EFTUD2: variants seen among roughly 807,000 people sequenced by gnomAD.
EFTUD2 encodes the protein 116 kDa U5 small nuclear ribonucleoprotein component.
In EFTUD2, 9 loss-of-function variants were observed where a neutral mutation model predicts 114.3. That is an observed-to-expected ratio of 0.08 (90% CI 0.05 to 0.14). The LOEUF (loss-of-function observed/expected upper bound fraction) is 0.14, where lower values mean the gene tolerates loss of function less well. Ranked by LOEUF, EFTUD2 falls within the 10% of genes least tolerant of loss-of-function variation. The pLI, the probability that EFTUD2 is intolerant of heterozygous loss-of-function variation, is 1.00. For synonymous variants in EFTUD2, 449 were observed against 462.3 expected, an observed-to-expected ratio of 0.97 and a Z score of 0.37; for missense variants, 765 against 1,241.2, an observed-to-expected ratio of 0.62 and a Z score of 5.76.
At chr17:44,885,191 T>C (rs2051144785) in intron 4 of EFTUD2, 65 bp downstream of exon 4, 2 of 1,370,434 alleles carry the variant, frequency 1.5e-6, no homozygotes, top group Admixed American at 3.5e-5. Flanking sequence ...AAGCCACCTC[T>C]TATCTCTACA....
At position 44,850,477 on chromosome 17, in the gene EFTUD2, T is replaced by G; in HGVS notation, c.*797A>C. 1 of 1,031,814 alleles carries G rather than the reference T, an allele frequency of 9.7e-7. No homozygotes were observed. Among genetic ancestry groups the G allele is most frequent in the Non-Finnish European group, 1.5e-6 (1 of 669,722 alleles). The allele number at this position is 1,031,814 out of a possible 1,614,324, so 63.9% of individuals were successfully genotyped here. A position where few individuals can be genotyped will look rare whatever the true frequency, so the allele number is the denominator to read the frequency against. On this transcript the variant is annotated 3_prime_UTR_variant, in exon 28 of 28. Coordinates refer to ENST00000426333, the MANE Select transcript of EFTUD2 (RefSeq NM_004247.4). ...CCTAATAAAGCAGTTTTGAGGAAAA[T>G]CAACAGACTCTTTTTCACTGGGGGA...
At chr17:44,860,129 T>C in intron 17 of EFTUD2, 84 bp from the exon 18 acceptor site, 1 of 1,590,076 alleles carries the variant, frequency 6.3e-7, no homozygotes, top group Non-Finnish European at 8.6e-7. Context: ...GAAGAGGACT[T>C]GCTTAGGATC....
chr17:44,878,733 G>C (rs904940215), intron 9 of EFTUD2, among the ~76,000 whole-genome samples: 1 of 152,064 alleles, frequency 6.6e-6, no homozygotes, highest in Non-Finnish European at 1.5e-5. Flanking sequence ...AATGAGGGTG[G>C]GTTCTTTGAA....
chr17:44,868,497 C>T (rs767173144), intron 11 of EFTUD2, 147 bp from the exon 12 acceptor site: 21 of 681,598 alleles, frequency 3.1e-5, no homozygotes, highest in South Asian at 4.1e-5. Context: ...GAGAGGAAAA[C>T]GAGGACACTG....
At chr17:44,864,519 AC>A (rs1423811668) in intron 14 of EFTUD2, among the ~76,000 whole-genome samples, 2 of 152,078 alleles carry the variant, frequency 1.3e-5, no homozygotes, top group African/African-American at 4.8e-5. Context: ...GGTTTTTTCA[AC>A]CAGTCCAGTG....
At chr17:44,896,091 T>C (rs1597833811) in intron 1 of EFTUD2, 1 of 152,222 alleles carries the variant, frequency 6.6e-6, no homozygotes, top group East Asian at 1.9e-4. Context: ...ATGATTTCAA[T>C]TTGCCCCATT....
chr17:44,875,700 C>T (rs138494642), intron 10 of EFTUD2: 109 of 376,270 alleles, frequency 2.9e-4, no homozygotes, highest in African/African-American at 2.0e-3. Flanking sequence ...AACAGAGATC[C>T]TATCTCTAAA....
At chr17:44,879,472 G>T (rs2051030752) in intron 9 of EFTUD2, 84 bp downstream of exon 9, 3 of 1,369,872 alleles carry the variant, frequency 2.2e-6, no homozygotes, top group African/African-American at 1.4e-5. Flanking sequence ...CTGGCTCCCA[G>T]CTCACTCAGT....
At position 44,864,391 on chromosome 17, in the gene EFTUD2, C is replaced by T. The variant is rs550372602; in HGVS notation, c.1285+539G>A. 5.9e-5 allele frequency among the ~76,000 whole-genome samples: 9 copies of T among 152,328 alleles called. No homozygotes were observed. The East Asian group carries it at 1.7e-3, about 29-fold the overall frequency. On this transcript the variant is annotated intron_variant, in intron 14 of 27. Transcript: ENST00000426333. ...AGAGACTGCTGAGAAGACCCTCAGC[C>T]ATCACCCTTTCCACTTCCCTGATTT... is the stretch of plus-strand genomic sequence containing the variant.
intron 9 of EFTUD2, among the ~76,000 whole-genome samples, chr17:44,877,813 CAAAACA>C (rs2050993968): frequency 9.1e-6 from 1 of 109,970 alleles, no homozygotes; most frequent in African/African-American, 3.4e-5. Context: ...CTCAAAAAAA[CAAAACA>C]ACAACAACAA....
In EFTUD2 at chr17:44,859,941, G is replaced by A. The variant is rs759563921; in HGVS notation, c.1824C>T (p.Arg608=). ...GGGATGGATAGCTCTTGTTGACCTTGCGCAGGCCATCAAGCATCTTGGGCA... is the reference window on the plus strand; with the variant it reads ...GGGATGGATAGCTCTTGTTGACCTTACGCAGGCCATCAAGCATCTTGGGCA... ...SELPKMLDGL[R]KVNKSYPSLT... Residue 608 remains arginine (R), a synonymous_variant, in exon 18 of 28, where the codon CGC becomes CGT. Transcript: ENST00000426333. The A allele has an allele frequency of 1.2e-6, 2 of 1,614,192 alleles. No homozygotes were observed. The highest frequency in any genetic ancestry group is 1.7e-6 in the Non-Finnish European group (2 of 1,180,042).
chr17:44,851,963 G>T, intron 26 of EFTUD2, 146 bp from the exon 27 acceptor site: 1 of 765,838 alleles, frequency 1.3e-6, no homozygotes, highest in Non-Finnish European at 2.0e-6. Flanking sequence ...TGTCTCCCAG[G>T]CTGGAGTACA....
chr17:44,878,317 A>G (rs2051006249), intron 9 of EFTUD2, among the ~76,000 whole-genome samples: 1 of 152,220 alleles, frequency 6.6e-6, no homozygotes, highest in Admixed American at 6.5e-5. Context: ...GACAAACCCA[A>G]ATTGAAAGAC....
chr17:44,888,866 G>T (rs1403437144), intron 2 of EFTUD2, among the ~76,000 whole-genome samples: 2 of 152,204 alleles, frequency 1.3e-5, no homozygotes, highest in Admixed American at 6.5e-5. Context: ...TGCCATGTAG[G>T]AAGGTGGACA....
In EFTUD2 at chr17:44,868,306, T is replaced by C. The variant is rs2050787681; in HGVS notation, c.1039A>G (p.Ile347Val). The C allele has an allele frequency of 1.2e-6, 2 of 1,613,924 alleles. No homozygotes were observed. The highest frequency in any genetic ancestry group is 1.7e-5 in the Admixed American group (1 of 59,984). Residue 347 changes from isoleucine (I) to valine (V), a missense_variant, in exon 12 of 28, where the codon ATC (isoleucine) becomes GTC (valine). This residue lies in a region of EFTUD2 where 251 missense variants were observed against 357.7 expected (regional missense o/e 0.70). Transcript: ENST00000426333. Reference sequence around the variant, plus strand: ...ACTTACGTCTTAGGGTTGAAGTAGATGTCACCCCAGAGTCTTTTAGCAAAT... The same window carrying C: ...ACTTACGTCTTAGGGTTGAAGTAGACGTCACCCCAGAGTCTTTTAGCAAAT... ...QEFAKRLWGD[I>V]YFNPKTRKFT... is the part of the protein sequence containing the mutation.
Position 44,854,829 on chromosome 17 carries a change from C to G in EFTUD2, c.2132+89G>C, listed in dbSNP as rs2050518020. 6.4e-7 allele frequency: 1 copy of G among 1,563,678 alleles called. No individual in the cohort carries two copies. The highest frequency in any genetic ancestry group is 1.4e-5 in the African/African-American group (1 of 73,758). Reference sequence around the variant, plus strand: ...GCAAAGGCAAAGACATAAATGCTCCCCAGAAAGATGTGTGCTCTTAGAGAC... The same window carrying G: ...GCAAAGGCAAAGACATAAATGCTCCGCAGAAAGATGTGTGCTCTTAGAGAC... On this transcript the variant is annotated intron_variant, in intron 21 of 27. Transcript: ENST00000426333. The surrounding 1 kb of genome is among the most constrained non-coding windows in gnomAD (Gnocchi z 4.3).
At chr17:44,883,046 CTGTTCTGAA>C in intron 6 of EFTUD2, 38 bp downstream of exon 6, 1 of 1,584,258 alleles carries the variant, frequency 6.3e-7, no homozygotes, top group East Asian at 2.2e-5. Flanking sequence ...ACATCTCTAT[CTGTTCTGAA>C]TGGTTCATCC....
intron 5 of EFTUD2, 102 bp from the exon 6 acceptor site, chr17:44,883,260 GA>G: frequency 2.0e-6 from 2 of 1,022,674 alleles, no homozygotes; most frequent in Non-Finnish European, 1.5e-6. Flanking sequence ...GATAAGGAGA[GA>G]AAAAGGAGAG....
chr17:44,869,574 C>A (rs928291060), intron 11 of EFTUD2, among the ~76,000 whole-genome samples: 1 of 152,172 alleles, frequency 6.6e-6, no homozygotes, highest in Non-Finnish European at 1.5e-5. Flanking sequence ...GCTCGGATTA[C>A]AGGCATGAGC....
Sources: allele counts gnomAD v4.1 joint callset (sites outside exome capture counted in the v4.1 genomes callset), GRCh38; gene constraint gnomAD v4.1.1; regional missense constraint gnomAD v4.1.1; non-coding constraint Gnocchi (gnomAD v3.1); transcripts MANE v1.5; gene names NCBI Gene and HGNC (gene_info 2026-07-23, HGNC 2026-07-21).